The following LRRC37A2 variants were observed in gnomAD, a reference collection of about 807,000 sequenced individuals.
LRRC37A2 encodes leucine rich repeat containing 37 member A2.
In LRRC37A2, 9 loss-of-function variants were observed where a neutral mutation model predicts 68.8. The observed-to-expected ratio is 0.13, with a 90% CI of 0.08 to 0.23. The LOEUF is 0.23. LRRC37A2 is among the 10% of genes least tolerant of loss of function. The pLI is 1.00. For synonymous variants in LRRC37A2, 63 were observed against 367.6 expected (o/e 0.17, Z 9.48); for missense variants, 168 against 950.4 (o/e 0.18, Z 10.82).
the LRRC37A2 span, chr17:46,940,921 A>T: frequency 7.6e-7 from 1 of 1,321,852 alleles, no homozygotes; most frequent in South Asian, 1.5e-5. Flanking sequence ...GTGCCTGGTG[A>T]AAAATAGACC....
At chr17:46,984,986 G>T in the LRRC37A2 span, among the ~76,000 whole-genome samples, 3 of 152,248 alleles carry the variant, frequency 2.0e-5, no homozygotes, top group East Asian at 5.8e-4. Context: ...CTAGGACCCG[G>T]TTTACACTCT....
the LRRC37A2 span, among the ~76,000 whole-genome samples, chr17:47,026,145 T>C: frequency 6.6e-6 from 1 of 152,080 alleles, no homozygotes; most frequent in East Asian, 1.9e-4. Context: ...AGGATGTTAC[T>C]AGAACAATGC....
the LRRC37A2 span, among the ~76,000 whole-genome samples, chr17:46,813,297 G>A: frequency 2.0e-5 from 3 of 151,672 alleles, no homozygotes; most frequent in Non-Finnish European, 4.4e-5. Context: ...AAGGAGGCAG[G>A]GACTTGAATG....
chr17:46,909,252 A>T, the LRRC37A2 span, among the ~76,000 whole-genome samples: 22 of 152,080 alleles, frequency 1.4e-4, no homozygotes, highest in African/African-American at 5.1e-4. Context: ...GCTGGTCTTG[A>T]ACTCCTGGGC....
the LRRC37A2 span, chr17:46,936,490 G>GGT: frequency 1.0e-6 from 1 of 985,312 alleles, no homozygotes; most frequent in African/African-American, 1.7e-5. Context: ...GTGGCTACCT[G>GGT]GTGTTTGTCT....
At chr17:46,554,054 T>A (rs1266661598) in intron 12 of LRRC37A2, 1 of 994,928 alleles carries the variant, frequency 1.0e-6, no homozygotes, top group Admixed American at 5.7e-5. Flanking sequence ...TTTCTTTTTT[T>A]TTTCCCCTGG....
At chr17:46,765,615 TC>T in the LRRC37A2 span, among the ~76,000 whole-genome samples, 5 of 152,348 alleles carry the variant, frequency 3.3e-5, no homozygotes, top group East Asian at 7.7e-4. Context: ...TCCCCTGCCA[TC>T]CCTGCCAGTG....
At chr17:46,732,417 T>C in the LRRC37A2 span, among the ~76,000 whole-genome samples, 1 of 151,854 alleles carries the variant, frequency 6.6e-6, no homozygotes, top group South Asian at 2.1e-4. Flanking sequence ...CCTCCTTTTT[T>C]CCCTTTGTGA....
At chr17:46,893,141 C>T in the LRRC37A2 span, among the ~76,000 whole-genome samples, 11 of 152,150 alleles carry the variant, frequency 7.2e-5, no homozygotes, top group East Asian at 1.9e-3. Flanking sequence ...ACCATGTTGG[C>T]GGGACTGGTC....
the LRRC37A2 span, among the ~76,000 whole-genome samples, chr17:46,975,996 G>C: frequency 2.0e-5 from 3 of 151,920 alleles, no homozygotes; most frequent in African/African-American, 4.8e-5. Context: ...GCGTAATCTC[G>C]GCTCACTGCA....
the LRRC37A2 span, among the ~76,000 whole-genome samples, chr17:46,901,361 C>T: frequency 6.6e-6 from 1 of 152,068 alleles, no homozygotes; most frequent in African/African-American, 2.4e-5. Context: ...GGTGTTTCAC[C>T]ATGTTGGCCA....
chr17:46,939,621 C>T, the LRRC37A2 span: 8 of 985,512 alleles, frequency 8.1e-6, no homozygotes, highest in Non-Finnish European at 8.4e-6. Flanking sequence ...GTTTTAGTAT[C>T]TCTAATTCTT....
the LRRC37A2 span, among the ~76,000 whole-genome samples, chr17:46,720,725 C>T: frequency 1.1e-4 from 17 of 152,262 alleles, no homozygotes; most frequent in Non-Finnish European, 1.5e-5. Context: ...TTCCTACAGT[C>T]ATCAGATTTC....
At chr17:46,903,604 G>A in the LRRC37A2 span, among the ~76,000 whole-genome samples, 1 of 152,084 alleles carries the variant, frequency 6.6e-6, no homozygotes, top group Non-Finnish European at 1.5e-5. Flanking sequence ...TGGAAGGTAA[G>A]AACCATGGCT....
the LRRC37A2 span, among the ~76,000 whole-genome samples, chr17:46,993,605 T>G: frequency 6.6e-6 from 1 of 152,236 alleles, no homozygotes; most frequent in Non-Finnish European, 1.5e-5. Flanking sequence ...CCACCTTGGC[T>G]TGGAATCTCT....
chr17:46,874,494 G>A, the LRRC37A2 span, among the ~76,000 whole-genome samples: 14 of 152,184 alleles, frequency 9.2e-5, 1 homozygote, highest in South Asian at 2.9e-3. Flanking sequence ...GGTGAAGGCC[G>A]TAGCCCCTGG....
At chr17:46,999,759 G>A in the LRRC37A2 span, among the ~76,000 whole-genome samples, 1 of 151,842 alleles carries the variant, frequency 6.6e-6, no homozygotes, top group Admixed American at 6.6e-5. Flanking sequence ...AGCACTTTGG[G>A]AGGCTGAGGC....
the LRRC37A2 span, among the ~76,000 whole-genome samples, chr17:46,934,412 C>G: frequency 1.3e-5 from 2 of 152,138 alleles, no homozygotes; most frequent in Admixed American, 6.5e-5. Flanking sequence ...GTCCCAGCTA[C>G]TCAGAAGGCT....
At chr17:46,844,465 C>T in the LRRC37A2 span, among the ~76,000 whole-genome samples, 1 of 152,148 alleles carries the variant, frequency 6.6e-6, no homozygotes, top group Admixed American at 6.6e-5. Flanking sequence ...CAACTGTCTA[C>T]CAGTCAGGAC....
Sources: gnomAD v4.1 joint callset for allele counts (sites outside exome capture counted in the v4.1 genomes callset) on GRCh38, gnomAD v4.1.1 for gene constraint, MANE v1.5 for transcripts, NCBI Gene and HGNC (gene_info 2026-07-23, HGNC 2026-07-21) for gene names.